The following DISC1 variants were observed in gnomAD, a reference collection of about 807,000 sequenced individuals.
The protein encoded by DISC1 is DISC1 scaffold protein.
A neutral mutation model predicts 84.5 loss-of-function variants in DISC1; 57 were observed. The ratio of observed to expected loss-of-function variants is 0.67; its 90% CI spans 0.55 to 0.84. DISC1 has a LOEUF of 0.84. DISC1 is among the 40% of genes least tolerant of loss of function. The probability of loss-of-function intolerance (pLI) is 0.00; values close to 1 mark genes in which losing one functional copy is unlikely to be tolerated. For synonymous variants in DISC1, 411 were observed against 415.2 expected (o/e 0.99, Z 0.12); for missense variants, 1,000 against 1,057.8 (o/e 0.95, Z 0.76).
chr1:231,952,691 T>TTATA lies in DISC1; in HGVS notation c.1982-6117_1982-6114dup, dbSNP rs60722025. Among the ~76,000 whole-genome samples the TTATA allele has an allele frequency of 3.9e-3, 560 of 141,818 alleles. 3 individuals carry two copies. Among genetic ancestry groups the TTATA allele is most frequent in the Admixed American group, 0.012 (173 of 14,068 alleles). 93.0% of individuals were successfully genotyped at this position (141,818 alleles called of 152,430 possible). On this transcript the variant is annotated intron_variant, in intron 9 of 12. Transcript: ENST00000439617. The stretch of plus-strand genomic sequence containing the variant: ...CCTATTGTCTCTCATATATATATGT[T>TTATA]TATATATATATATATATATATATGT...
intron 12 of DISC1, among the ~76,000 whole-genome samples, chr1:232,034,134 A>C (rs1249776181): frequency 1.3e-5 from 2 of 152,090 alleles, no homozygotes; most frequent in Non-Finnish European, 2.9e-5. Flanking sequence ...TGTGATTTTA[A>C]TTATTATTTT....
intron 9 of DISC1, among the ~76,000 whole-genome samples, chr1:231,876,280 C>G (rs1316400064): frequency 1.3e-5 from 2 of 152,178 alleles, no homozygotes; most frequent in Non-Finnish European, 2.9e-5. Context: ...CCCGCTTGCT[C>G]TCTTGCTCCT....
rs1670650597 is a variant in DISC1, at chr1:232,038,394, A to G, written c.*1563A>G. On this transcript the variant is annotated 3_prime_UTR_variant, in exon 13 of 13. Coordinates refer to ENST00000439617, the MANE Select transcript of DISC1 (RefSeq NM_018662.3). ...AAGTGCACTGAGGAAGGTGGCCCCA[A>G]GAGAAGCTCTCTAAACAAAGGAGTA... 1 of 152,178 alleles carries G rather than the reference A, an allele frequency of 6.6e-6. No individual in the cohort carries two copies. The highest frequency in any genetic ancestry group is 1.5e-5 in the Non-Finnish European group (1 of 68,034). 9.4% of individuals were successfully genotyped at this position (152,178 alleles called of 1,614,324 possible).
chr1:231,868,124 A>G (rs1189734087), intron 9 of DISC1, among the ~76,000 whole-genome samples: 1 of 152,198 alleles, frequency 6.6e-6, no homozygotes, highest in African/African-American at 2.4e-5. Flanking sequence ...TCTGCTTTTG[A>G]GAAGAAGTCA....
chr1:231,804,392 T>A (rs1233723927), intron 8 of DISC1, among the ~76,000 whole-genome samples: 2 of 152,018 alleles, frequency 1.3e-5, no homozygotes, highest in African/African-American at 4.8e-5. Flanking sequence ...TCATGGAGCA[T>A]CTAGGAAGTG....
intron 9 of DISC1, among the ~76,000 whole-genome samples, chr1:231,907,290 A>G (rs1168383515): frequency 2.0e-5 from 3 of 151,722 alleles, no homozygotes; most frequent in Non-Finnish European, 4.4e-5. Context: ...TACATTAGAT[A>G]TATCTCCTAA....
chr1:231,960,609 C>G (rs1276914208), intron 10 of DISC1, among the ~76,000 whole-genome samples: 1 of 152,206 alleles, frequency 6.6e-6, no homozygotes, highest in Non-Finnish European at 1.5e-5. Flanking sequence ...AAAACACAAA[C>G]TGCTTTTCCT....
intron 9 of DISC1, among the ~76,000 whole-genome samples, chr1:231,825,657 A>G (rs1241233540): frequency 6.6e-6 from 1 of 152,068 alleles, no homozygotes; most frequent in African/African-American, 2.4e-5. Flanking sequence ...GCCTGCATCC[A>G]ACTCTTCTTC....
chr1:231,689,373 C>A (rs918711053), intron 1 of DISC1, among the ~76,000 whole-genome samples: 4 of 151,942 alleles, frequency 2.6e-5, no homozygotes, highest in Non-Finnish European at 5.9e-5. Context: ...GCTCTGTCAC[C>A]CAGACTGGAG....
rs1424026693 is a variant in DISC1, at chr1:231,832,815, C to T, written c.1981+14298C>T. Among the ~76,000 whole-genome samples, 217 of 149,188 alleles carry T rather than the reference C, an allele frequency of 1.5e-3. 1 individual carries two copies. The highest frequency in any genetic ancestry group is 5.2e-3 in the African/African-American group (207 of 40,074). On this transcript the variant is annotated intron_variant, in intron 9 of 12. Coordinates refer to ENST00000439617, the MANE Select transcript of DISC1 (RefSeq NM_018662.3). Reference sequence around the variant, plus strand: ...GATAAGGCGCAGATCCTGAACTAACCTGTAAGGCTTGTCTGGTTCTAGGAC... The same window carrying T: ...GATAAGGCGCAGATCCTGAACTAACTTGTAAGGCTTGTCTGGTTCTAGGAC...
intron 9 of DISC1, among the ~76,000 whole-genome samples, chr1:231,887,016 C>T (rs1285352646): frequency 6.6e-6 from 1 of 151,754 alleles, no homozygotes; most frequent in Admixed American, 6.6e-5. Context: ...TGTGCATCAC[C>T]ATGCACAGCT....
In DISC1 at chr1:232,033,504, C is replaced by T. The variant is rs1269950069; in HGVS notation, c.2426-3188C>T. 2.0e-5 allele frequency among the ~76,000 whole-genome samples: 3 copies of T among 152,346 alleles called. No homozygotes were observed. In the East Asian group the frequency reaches 5.8e-4, roughly 29 times the overall value. ...CTCTGCTCCAGGTCCTCCCACGGCT[C>T]CTCCCATCTCACTGTGAACACAGCA... On this transcript the variant is annotated intron_variant, in intron 12 of 12. Transcript: ENST00000439617.
chr1:231,815,738 CAA>C (rs35447965), intron 8 of DISC1, among the ~76,000 whole-genome samples: 4 of 136,230 alleles, frequency 2.9e-5, no homozygotes, highest in Non-Finnish European at 4.7e-5. Context: ...AACTCTGTCT[CAA>C]AAAAAAAAAA....
At position 231,662,476 on chromosome 1, in the gene DISC1, C is replaced by T. The variant is rs542280713; in HGVS notation, c.68-31350C>T. 2.0e-5 allele frequency among the ~76,000 whole-genome samples: 3 copies of T among 152,306 alleles called. No individual in the cohort carries two copies. In the South Asian group the frequency reaches 6.2e-4, roughly 32 times the overall value. ...CTGAAGCCCCCACAGGGAGGTCCCT[C>T]CCAGTAAGGAGGAATGAATCGGGGT... On this transcript the variant is annotated intron_variant, in intron 1 of 12. Transcript: ENST00000439617.
chr1:231,844,841 G>A (rs773830322), intron 9 of DISC1, among the ~76,000 whole-genome samples: 2 of 151,046 alleles, frequency 1.3e-5, no homozygotes. Context: ...GCAGGAGAAT[G>A]GCATGAACCT....
intron 9 of DISC1, among the ~76,000 whole-genome samples, chr1:231,918,421 C>T (rs186239008): frequency 5.9e-5 from 9 of 152,244 alleles, no homozygotes; most frequent in African/African-American, 9.6e-5. Flanking sequence ...CTCCAAGAAG[C>T]CTTTCAGATT....
intron 6 of DISC1, among the ~76,000 whole-genome samples, chr1:231,772,438 G>C (rs2076624381): frequency 6.6e-6 from 1 of 152,202 alleles, no homozygotes; most frequent in Non-Finnish European, 1.5e-5. Context: ...CTGAAGAAAA[G>C]ACTTCCTACA....
intron 3 of DISC1, among the ~76,000 whole-genome samples, chr1:231,729,610 A>G (rs1463704817): frequency 6.6e-6 from 1 of 152,194 alleles, no homozygotes; most frequent in Non-Finnish European, 1.5e-5. Context: ...GCTTTGTTCC[A>G]AGAAACTAAT....
chr1:231,847,700 C>G (rs547228812), intron 9 of DISC1, among the ~76,000 whole-genome samples: 3 of 152,266 alleles, frequency 2.0e-5, no homozygotes, highest in African/African-American at 7.2e-5. Context: ...TTTTATATGG[C>G]TCTACCCTTG....
Sources: gnomAD v4.1 joint callset for allele counts (sites outside exome capture counted in the v4.1 genomes callset) on GRCh38, gnomAD v4.1.1 for gene constraint, MANE v1.5 for transcripts, NCBI Gene and HGNC (gene_info 2026-07-23, HGNC 2026-07-21) for gene names.